Variants in CCDC92 observed in about 807,000 individuals in gnomAD.
The protein encoded by CCDC92 is coiled-coil domain containing 92.
Under a neutral mutation model 24.9 loss-of-function variants are expected in CCDC92, and 12 were observed. The ratio of observed to expected loss-of-function variants is 0.48; its 90% CI spans 0.31 to 0.78. The LOEUF (loss-of-function observed/expected upper bound fraction) is 0.78, where lower values mean the gene tolerates loss of function less well. Ranked by LOEUF, CCDC92 falls within the 30% of genes least tolerant of loss-of-function variation. CCDC92 has a pLI of 0.05. For synonymous variants in CCDC92, 193 were observed against 196.3 expected (o/e 0.98, Z 0.14); for missense variants, 399 against 439.4 (o/e 0.91, Z 0.82).
At chr12:123,949,755 A>G (rs1340468993) in intron 1 of CCDC92, among the ~76,000 whole-genome samples, 1 of 152,238 alleles carries the variant, frequency 6.6e-6, no homozygotes, top group Non-Finnish European at 1.5e-5. Context: ...TCCTATAGAG[A>G]TAGGCTCTGA....
chr12:123,950,169 G>A (rs1043182571), intron 1 of CCDC92, among the ~76,000 whole-genome samples: 3 of 152,214 alleles, frequency 2.0e-5, no homozygotes, highest in Non-Finnish European at 4.4e-5. Context: ...GACGTCTGGG[G>A]CAGATTTAAT....
intron 1 of CCDC92, among the ~76,000 whole-genome samples, chr12:123,966,813 T>C (rs1232810298): frequency 6.6e-6 from 1 of 152,150 alleles, no homozygotes; most frequent in Non-Finnish European, 1.5e-5. Context: ...ATGAGTAACA[T>C]TCAGTGCAGT....
rs58795770 is a variant in CCDC92, at chr12:123,953,776, T to TCAAAAACAAAAA, written c.-59-9424_-59-9413dup. On this transcript the variant is annotated intron_variant, in intron 1 of 4. Coordinates refer to ENST00000238156, the MANE Select transcript of CCDC92 (RefSeq NM_025140.3). ...CTGGGCGACAGAGCAAGACTCCGTC[T>TCAAAAACAAAAA]CAAAAACAAAAACAAAAACAAAAAC... Among the ~76,000 whole-genome samples the TCAAAAACAAAAA allele has an allele frequency of 5.4e-3, 807 of 149,196 alleles. 6 individuals carry two copies. Among genetic ancestry groups the TCAAAAACAAAAA allele is most frequent in the African/African-American group, 0.019 (746 of 40,230 alleles).
At chr12:123,938,069 C>T (rs779007946) in intron 4 of CCDC92, among the ~76,000 whole-genome samples, 1 of 152,212 alleles carries the variant, frequency 6.6e-6, no homozygotes, top group South Asian at 2.1e-4. Flanking sequence ...AAAAGAATGT[C>T]TCTGAACCTT....
intron 1 of CCDC92, among the ~76,000 whole-genome samples, chr12:123,963,056 G>A (rs1258255977): frequency 2.0e-5 from 3 of 152,222 alleles, no homozygotes; most frequent in East Asian, 1.9e-4. Context: ...GAGATGCTTT[G>A]GGCTGTCATG....
chr12:123,943,720 C>A (rs1477552138), intron 2 of CCDC92: 7 of 587,018 alleles, frequency 1.2e-5, no homozygotes, highest in Admixed American at 3.0e-5. Context: ...TTGGGGTGTG[C>A]CCTAGCACCT....
chr12:123,938,834 G>A lies in CCDC92; in HGVS notation c.224-1004C>T, dbSNP rs530290411. 3.3e-5 allele frequency among the ~76,000 whole-genome samples: 5 copies of A among 152,148 alleles called. No homozygotes were observed. The East Asian group carries it at 7.8e-4, about 24-fold the overall frequency. On this transcript the variant is annotated intron_variant, in intron 4 of 4. Coordinates refer to ENST00000238156, the MANE Select transcript of CCDC92 (RefSeq NM_025140.3). ...TCTCCCAGGGAAACTGGATGCAGTCGCCATCCCTGGCCTCCCCTCCCTGAC... is the reference window on the plus strand; with the variant it reads ...TCTCCCAGGGAAACTGGATGCAGTCACCATCCCTGGCCTCCCCTCCCTGAC...
chr12:123,961,234 G>A (rs2138138989), intron 1 of CCDC92: 1 of 152,366 alleles, frequency 6.6e-6, no homozygotes, highest in South Asian at 2.1e-4. Context: ...AATCCTGGAA[G>A]ACAGGGGCCG....
intron 4 of CCDC92, among the ~76,000 whole-genome samples, chr12:123,939,528 C>T (rs1205758071): frequency 6.6e-6 from 1 of 152,174 alleles, no homozygotes; most frequent in Non-Finnish European, 1.5e-5. Context: ...TTTATCTGGA[C>T]ATATCCATGG....
intron 2 of CCDC92, chr12:123,943,950 A>G (rs1242953893): frequency 2.1e-6 from 1 of 478,082 alleles, no homozygotes; most frequent in Admixed American, 3.9e-5. Context: ...TGACCAAATC[A>G]CGCCCAAAAG....
chr12:123,938,456 G>A (rs948560304), intron 4 of CCDC92, among the ~76,000 whole-genome samples: 16 of 151,818 alleles, frequency 1.1e-4, no homozygotes, highest in African/African-American at 3.9e-4. Context: ...CTAACACTTC[G>A]GGCCTCTGCC....
intron 1 of CCDC92, among the ~76,000 whole-genome samples, chr12:123,957,154 A>C (rs1335521069): frequency 1.3e-5 from 2 of 152,184 alleles, no homozygotes; most frequent in Non-Finnish European, 1.5e-5. Context: ...ACAAATAAGC[A>C]CCCGATGTAT....
rs774556689 is a variant in CCDC92, at chr12:123,937,117, C to G, written c.937G>C (p.Asp313His). 2 of 1,613,528 alleles carry G rather than the reference C, an allele frequency of 1.2e-6. No individual in the cohort carries two copies. Among genetic ancestry groups the G allele is most frequent in the Non-Finnish European group, 1.7e-6 (2 of 1,180,036 alleles). Residue 313 changes from aspartate (D) to histidine (H), a missense_variant, in exon 5 of 5, where the codon GAC (aspartate) becomes CAC (histidine). By Grantham distance (81) the Asp-to-His change is moderately conservative. Transcript: ENST00000238156. This position sits in a 1 kb window ranked among gnomAD's most constrained non-coding sequence, Gnocchi z 8.4. ...AQPEVKTLAVDQVNGGKVVRK... is the reference protein window; with the variant it reads ...AQPEVKTLAVHQVNGGKVVRK... The stretch of plus-strand genomic sequence containing the variant: ...ACCACCTTGCCTCCGTTCACCTGGT[C>G]GACCGCCAGGGTCTTCACCTCGGGC...
chr12:123,960,657 G>A (rs1283188007), intron 1 of CCDC92: 1 of 152,216 alleles, frequency 6.6e-6, no homozygotes, highest in Non-Finnish European at 1.5e-5. Flanking sequence ...CACCTGTCAT[G>A]AGCTTGGATG....
chr12:123,950,884 T>A (rs1956008457), intron 1 of CCDC92, among the ~76,000 whole-genome samples: 1 of 152,158 alleles, frequency 6.6e-6, no homozygotes, highest in South Asian at 2.1e-4. Context: ...TCACCTTGCA[T>A]CTCTCTGACT....
In CCDC92 at chr12:123,936,798, C is replaced by T; in HGVS notation, c.*260G>A. ...TGGCCTGGGCTTTGCCTGCAGCGCA[C>T]TTAGGTTACACGGAGCGGGATCAGA... On this transcript the variant is annotated 3_prime_UTR_variant, in exon 5 of 5. Transcript: ENST00000238156. 1 of 576,730 alleles carries T rather than the reference C, an allele frequency of 1.7e-6. No homozygotes were observed. The highest frequency in any genetic ancestry group is 2.9e-5 in the East Asian group (1 of 34,174). 35.7% of individuals were successfully genotyped at this position (576,730 alleles called of 1,614,324 possible). A position where few individuals can be genotyped will look rare whatever the true frequency, so the allele number is the denominator to read the frequency against.
At position 123,937,777 on chromosome 12, in the gene CCDC92, C is replaced by T. The variant is rs200385849; in HGVS notation, c.277G>A (p.Ala93Thr). Residue 93 changes from alanine (A) to threonine (T), a missense_variant, in exon 5 of 5, where the codon GCC becomes ACC. Ala to Thr is a moderately conservative substitution (Grantham distance 58). Transcript: ENST00000238156. This position sits in a 1 kb window ranked among gnomAD's most constrained non-coding sequence, Gnocchi z 8.4. ...ELKKRCEELE[A>T]QLKVKENENA... The stretch of plus-strand genomic sequence containing the variant: ...TCGTTCTCTTTCACTTTCAGTTGGG[C>T]TTCCAGCTCTTCACATCTTTTCTTT... 1.7e-4 allele frequency: 274 copies of T among 1,613,464 alleles called. 1 individual carries two copies. Among genetic ancestry groups the T allele is most frequent in the Non-Finnish European group, 3.0e-5 (35 of 1,179,980 alleles).
chr12:123,952,754 T>C (rs183551083), intron 1 of CCDC92, among the ~76,000 whole-genome samples: 101 of 152,182 alleles, frequency 6.6e-4, no homozygotes, highest in African/African-American at 2.2e-3. Context: ...AATATTTTGG[T>C]AAAAAGAGTA....
intron 1 of CCDC92, chr12:123,966,324 A>G (rs1049387140): frequency 4.6e-5 from 7 of 152,348 alleles, no homozygotes; most frequent in Admixed American, 3.9e-4. Context: ...AAATGTAACC[A>G]TGAGAGTTGT....
Sources: allele counts gnomAD v4.1 joint callset (sites outside exome capture counted in the v4.1 genomes callset), GRCh38; gene constraint gnomAD v4.1.1; non-coding constraint Gnocchi (gnomAD v3.1); transcripts MANE v1.5; gene names NCBI Gene and HGNC (gene_info 2026-07-23, HGNC 2026-07-21).